Variants in SNED1 observed in about 807,000 individuals in gnomAD.
The protein encoded by SNED1 is sushi, nidogen and EGF like domains 1, also known as sushi, nidogen and EGF-like domain-containing protein 1.
A neutral mutation model predicts 166.7 loss-of-function variants in SNED1; 81 were observed. The ratio of observed to expected loss-of-function variants is 0.49; its 90% confidence interval spans 0.41 to 0.58. The LOEUF is 0.58. Ranked by LOEUF, SNED1 falls within the 20% of genes least tolerant of loss-of-function variation. The pLI is 0.00. For missense variants in SNED1, 1,604 were observed against 2,000.2 expected (o/e 0.80, Z 3.78); for synonymous variants, 762 against 822.0 (o/e 0.93, Z 1.25).
chr2:241,030,296 G>T lies in SNED1; in HGVS notation c.226G>T (p.Gly76Trp). The T allele has an allele frequency of 6.3e-7, 1 of 1,589,444 alleles. No individual in the cohort carries two copies. Residue 76 changes from glycine (G) to tryptophan (W), a missense_variant, in exon 2 of 32, where the codon GGG (glycine) becomes TGG (tryptophan). Transcript: ENST00000310397. The part of the protein sequence containing the change: ...EHSGLYVNNN[G>W]IISFLKEVSQ... ...TTCTGCCTCCCAGGTGAACAACAAC[G>T]GGATCATCTCCTTCCTGAAGGAGGT...
chr2:241,071,687 A>G lies in SNED1; in HGVS notation c.3701A>G (p.His1234Arg), dbSNP rs750414607. The change falls in exon 25 of 32, where the codon CAC (histidine) becomes CGC (arginine). Residue 1234 changes from histidine (H) to arginine (R), a missense_variant. His to Arg is a conservative substitution (Grantham distance 29, BLOSUM62 0). Around this residue, in one of 2 missense-constraint regions of SNED1, gnomAD observed 367 missense variants for 379.4 expected, o/e 0.97. Coordinates refer to ENST00000310397, the MANE Select transcript of SNED1 (RefSeq NM_001080437.3). ...RLPELRLLND[H>R]SAPETPTQPP... Reference sequence around the variant, plus strand: ...CCGGAGCTGCGCCTGCTCAATGACCACAGCGCCCCCGAGACCCCCACCCAG... The same window carrying G: ...CCGGAGCTGCGCCTGCTCAATGACCGCAGCGCCCCCGAGACCCCCACCCAG... 8.7e-5 allele frequency: 134 copies of G among 1,536,672 alleles called. 1 individual carries two copies. In the African/African-American group the frequency reaches 1.4e-3, roughly 16 times the overall value.
At chr2:241,078,572 G>C (rs1374833795) in intron 27 of SNED1, among the ~76,000 whole-genome samples, 2 of 151,662 alleles carry the variant, frequency 1.3e-5, no homozygotes, top group African/African-American at 4.9e-5. Flanking sequence ...CCATTCATAT[G>C]AAAGTCCAGC....
chr2:241,000,203 C>T (rs1427438216), intron 1 of SNED1, among the ~76,000 whole-genome samples: 1 of 152,200 alleles, frequency 6.6e-6, no homozygotes, highest in African/African-American at 2.4e-5. Context: ...TCCCTCCCCA[C>T]CTCCATCCAC....
intron 2 of SNED1, 135 bp from the exon 3 acceptor site, chr2:241,033,600 C>A: frequency 9.7e-7 from 1 of 1,030,686 alleles, no homozygotes; most frequent in Non-Finnish European, 1.4e-6. Flanking sequence ...GGCTGCCCGT[C>A]CAGCTGGAAG....
chr2:241,073,247 A>T lies in SNED1; in HGVS notation c.3818-19A>T. On this transcript the variant is annotated intron_variant, in intron 26 of 31. Coordinates refer to ENST00000310397, the MANE Select transcript of SNED1 (RefSeq NM_001080437.3). The surrounding 1 kb of genome is among the most constrained non-coding windows in gnomAD (Gnocchi z 6.6). ...TGCAAAGCAGCTGCGCCGTGTGGTC[A>T]CCGCCTGGCTTCTCCTAGAACCCAC... is the stretch of plus-strand genomic sequence containing the variant. The T allele has an allele frequency of 6.5e-7, 1 of 1,544,866 alleles. No homozygotes were observed. Among genetic ancestry groups the T allele is most frequent in the Non-Finnish European group, 8.8e-7 (1 of 1,141,566 alleles).
chr2:241,062,896 G>A lies in SNED1; in HGVS notation c.2363G>A (p.Cys788Tyr). 6.3e-7 allele frequency: 1 copy of A among 1,598,558 alleles called. No homozygotes were observed. The change falls in exon 17 of 32, where the codon TGT becomes TAT. Residue 788 changes from cysteine (C) to tyrosine (Y), a missense_variant. Cys to Tyr is a radical substitution (Grantham distance 194). Transcript: ENST00000310397. ...LCSTGYEGAH[C>Y]ELERDECRAH... ...AGCACAGGCTATGAGGGCGCCCACT[G>A]TGAGCTGGGTAAGAGGGGCCCTGGC... is the stretch of plus-strand genomic sequence containing the variant.
At chr2:241,084,134 A>ATTTTTTTTT (rs368364855) in intron 29 of SNED1, among the ~76,000 whole-genome samples, 4 of 123,318 alleles carry the variant, frequency 3.2e-5, no homozygotes, top group African/African-American at 9.7e-5. Context: ...AGCGTCTAGG[A>ATTTTTTTTT]TTTTTTTTTT....
At chr2:241,061,599 A>G (rs978158462) in intron 16 of SNED1, among the ~76,000 whole-genome samples, 1 of 152,164 alleles carries the variant, frequency 6.6e-6, no homozygotes, top group African/African-American at 2.4e-5. Context: ...GTAAAAGCAA[A>G]AAGTCTAGGC....
intron 8 of SNED1, chr2:241,040,863 A>G (rs1431639244): frequency 2.1e-6 from 1 of 470,634 alleles, no homozygotes; most frequent in Middle Eastern, 3.3e-4. Context: ...TTTCTATTCT[A>G]TTTTGTGTTG....
Position 241,041,011 on chromosome 2 carries a change from G to A in SNED1, c.1273+598G>A, listed in dbSNP as rs562561160. 1.9e-5 allele frequency: 7 copies of A among 369,154 alleles called. No individual in the cohort carries two copies. The East Asian group carries it at 3.3e-4, about 18-fold the overall frequency. The allele number at this position is 369,154 out of a possible 1,614,324, so 22.9% of individuals were successfully genotyped here. On this transcript the variant is annotated intron_variant, in intron 8 of 31. Transcript: ENST00000310397. ...ACCCACTGTGCCGACTTCTGTGGACGCACCAGGTGCTGCTTCTCTCCAGGG... is the reference window on the plus strand; with the variant it reads ...ACCCACTGTGCCGACTTCTGTGGACACACCAGGTGCTGCTTCTCTCCAGGG...
intron 7 of SNED1, 47 bp from the exon 8 acceptor site, chr2:241,040,253 G>A (rs1326867225): frequency 6.4e-7 from 1 of 1,570,834 alleles, no homozygotes; most frequent in Non-Finnish European, 8.6e-7. Flanking sequence ...GGCACAGGGT[G>A]GTTGTGGCCT....
chr2:241,020,269 T>A (rs1236760131), intron 1 of SNED1, among the ~76,000 whole-genome samples: 3 of 152,180 alleles, frequency 2.0e-5, no homozygotes, highest in Admixed American at 2.0e-4. Context: ...TCCTTAAGAG[T>A]CCTAAGGCCA....
chr2:241,086,176 G>T (rs549894974), intron 29 of SNED1, among the ~76,000 whole-genome samples: 3 of 152,104 alleles, frequency 2.0e-5, no homozygotes, highest in Non-Finnish European at 4.4e-5. Flanking sequence ...CCTGTCTGGG[G>T]TTTCTATGGA....
At chr2:241,070,994 C>T (rs1202865900) in intron 24 of SNED1, among the ~76,000 whole-genome samples, 1 of 152,176 alleles carries the variant, frequency 6.6e-6, no homozygotes, top group Non-Finnish European at 1.5e-5. Flanking sequence ...AACCCTGCCA[C>T]CCCCACCAGC....
At chr2:241,071,103 C>G (rs1466855735) in intron 24 of SNED1, among the ~76,000 whole-genome samples, 1 of 152,176 alleles carries the variant, frequency 6.6e-6, no homozygotes, top group Non-Finnish European at 1.5e-5. Flanking sequence ...GAGGGCCCAG[C>G]CTGGGAGGCT....
Position 241,017,125 on chromosome 2 carries a change from C to A in SNED1, c.214-13159C>A, listed in dbSNP as rs577670523. 3.3e-5 allele frequency among the ~76,000 whole-genome samples: 5 copies of A among 151,982 alleles called. No individual in the cohort carries two copies. The South Asian group carries it at 1.0e-3, about 32-fold the overall frequency. On this transcript the variant is annotated intron_variant, in intron 1 of 31. Transcript: ENST00000310397. ...CTTGGCCTCCCAAAGTGCTGGGATT[C>A]CAGGCGTGAGCCACCACACCCAGCC... is the stretch of plus-strand genomic sequence containing the variant.
Position 241,078,017 on chromosome 2 carries a change from C to G in SNED1, c.3917-3660C>G, listed in dbSNP as rs557999054. On this transcript the variant is annotated intron_variant, in intron 27 of 31. Transcript: ENST00000310397. The stretch of plus-strand genomic sequence containing the variant: ...TGAAAACCTATGTCCACATGAGGTC[C>G]TGTACACAAATATTTATAGCAGCAC... Among the ~76,000 whole-genome samples, 4 of 152,258 alleles carry G rather than the reference C, an allele frequency of 2.6e-5. No individual in the cohort carries two copies. In the South Asian group the frequency reaches 6.2e-4, roughly 24 times the overall value.
chr2:241,048,285 G>C (rs2061720395), intron 8 of SNED1, 30 bp from the exon 9 acceptor site: 1 of 1,568,954 alleles, frequency 6.4e-7, no homozygotes, highest in Non-Finnish European at 8.6e-7. Flanking sequence ...TTCCCTGCGT[G>C]GCCGCTGGTG....
At position 241,051,573 on chromosome 2, in the gene SNED1, G is replaced by T. The variant is rs970137287; in HGVS notation, c.1736-171G>T. The T allele has an allele frequency of 2.9e-5, 14 of 484,598 alleles. No homozygotes were observed. Among genetic ancestry groups the T allele is most frequent in the African/African-American group, 2.6e-4 (13 of 50,606 alleles). 30.0% of individuals were successfully genotyped at this position (484,598 alleles called of 1,614,324 possible). On this transcript the variant is annotated intron_variant, in intron 12 of 31. Coordinates refer to ENST00000310397, the MANE Select transcript of SNED1 (RefSeq NM_001080437.3). This position sits in a 1 kb window ranked among gnomAD's most constrained non-coding sequence, Gnocchi z 4.7. Reference sequence around the variant, plus strand: ...TCTCCAGCCTGTGAGCCCCACCCCAGCCCCCACCATGTGTGCGGACCTGCT... The same window carrying T: ...TCTCCAGCCTGTGAGCCCCACCCCATCCCCCACCATGTGTGCGGACCTGCT...
Sources: gnomAD v4.1 joint callset for allele counts (sites outside exome capture counted in the v4.1 genomes callset) on GRCh38, gnomAD v4.1.1 for gene constraint, gnomAD v4.1.1 regional missense constraint, Gnocchi (gnomAD v3.1) non-coding constraint, MANE v1.5 for transcripts, NCBI Gene and HGNC (gene_info 2026-07-23, HGNC 2026-07-21) for gene names.